LAS1L: variants seen among roughly 807,000 people sequenced by gnomAD.
LAS1L encodes the protein ribosomal biogenesis protein LAS1L.
A neutral mutation model predicts 57.3 loss-of-function variants in LAS1L; 5 were observed. The observed-to-expected ratio is 0.09, with a 90% CI of 0.05 to 0.18. The LOEUF is 0.18. Ranked by LOEUF, LAS1L falls within the 10% of genes least tolerant of loss-of-function variation. The pLI is 1.00. For missense variants in LAS1L, 360 were observed against 568.3 expected (o/e 0.63, Z 3.73); for synonymous variants, 245 against 231.7 (o/e 1.06, Z -0.52).
At position 65,529,896 on chromosome X, in the gene LAS1L, G is replaced by A. The variant is rs1269261351; in HGVS notation, c.515-18C>T. On this transcript the variant is annotated intron_variant, in intron 4 of 13. Transcript: ENST00000374811. ...GTAGCAGCCTAGAGGGGGGAAGGCAGGCAGTGCCACAGGATCAGGCAGGCA... is the reference window on the plus strand; with the variant it reads ...GTAGCAGCCTAGAGGGGGGAAGGCAAGCAGTGCCACAGGATCAGGCAGGCA... 8.3e-7 allele frequency: 1 copy of A among 1,205,138 alleles called. No homozygotes were observed.
chrX:65,518,505 C>T (rs756610098), intron 11 of LAS1L, 40 bp from the exon 12 acceptor site: 9 of 1,145,458 alleles, frequency 7.9e-6, no homozygotes, highest in African/African-American at 3.6e-5. Context: ...GATTCAAAAT[C>T]TCAAGCCACT....
intron 11 of LAS1L, chrX:65,521,445 G>A (rs1169795279): frequency 2.5e-5 from 4 of 160,563 alleles, no homozygotes; most frequent in Non-Finnish European, 1.0e-5. Flanking sequence ...AGACACTAAG[G>A]GAAGTAGACA....
At chrX:65,529,546 T>C in intron 5 of LAS1L, 48 bp downstream of exon 5, 1 of 1,161,469 alleles carries the variant, frequency 8.6e-7, no homozygotes, top group African/African-American at 1.8e-5. Context: ...ACCCTAAGCC[T>C]GAGCCTTCTG....
chrX:65,526,561 G>A (rs1479092587), intron 7 of LAS1L, among the ~76,000 whole-genome samples: 1 of 111,514 alleles, frequency 9.0e-6, no homozygotes, highest in East Asian at 2.8e-4. Context: ...AGCCTACACT[G>A]CAGTTCTCAC....
At chrX:65,528,977 A>C (rs1335900716) in intron 6 of LAS1L, among the ~76,000 whole-genome samples, 1 of 112,270 alleles carries the variant, frequency 8.9e-6, no homozygotes, top group African/African-American at 3.2e-5. Context: ...CCAGTGGGGC[A>C]GATTATCCGC....
intron 7 of LAS1L, 124 bp downstream of exon 7, chrX:65,528,136 T>G (rs1296297476): frequency 2.1e-6 from 1 of 471,563 alleles, no homozygotes; most frequent in South Asian, 3.2e-5. Flanking sequence ...GTGGAGGGGA[T>G]CAGGATTATC....
intron 11 of LAS1L, chrX:65,518,712 G>A (rs959133766): frequency 3.7e-6 from 2 of 540,172 alleles, no homozygotes; most frequent in Non-Finnish European, 2.3e-6. Flanking sequence ...GTATAGGATT[G>A]TTGGGAGGAG....
chrX:65,525,685 C>T (rs769611787), intron 7 of LAS1L, among the ~76,000 whole-genome samples: 13 of 98,411 alleles, frequency 1.3e-4, no homozygotes, highest in Non-Finnish European at 2.1e-4. Flanking sequence ...ATTATTGGAA[C>T]GCTAAGCTTG....
chrX:65,517,971 A>C lies in LAS1L; in HGVS notation c.1927+16T>G. 8.5e-7 allele frequency: 1 copy of C among 1,171,265 alleles called. No individual in the cohort carries two copies. Among genetic ancestry groups the C allele is most frequent in the Non-Finnish European group, 1.1e-6 (1 of 878,603 alleles). Reference sequence around the variant, plus strand: ...AAAGAGAAAAGAAGTCCATGTGGGGACAAAGTAGTTCTTACCTGAGCTAAC... The same window carrying C: ...AAAGAGAAAAGAAGTCCATGTGGGGCCAAAGTAGTTCTTACCTGAGCTAAC... On this transcript the variant is annotated intron_variant, in intron 12 of 13. Coordinates refer to ENST00000374811, the MANE Select transcript of LAS1L (RefSeq NM_031206.7).
chrX:65,524,725 T>C (rs2069032925), intron 8 of LAS1L, 111 bp from the exon 9 acceptor site: 2 of 486,473 alleles, frequency 4.1e-6, no homozygotes, highest in Non-Finnish European at 7.5e-6. Context: ...AATAATGTCA[T>C]TAAGACTCCC....
chrX:65,534,608 G>C lies in LAS1L; in HGVS notation c.108C>G (p.Leu36=). The change falls in exon 1 of 14, where the codon CTC becomes CTG. Residue 36 remains leucine (L), a synonymous_variant. Coordinates refer to ENST00000374811, the MANE Select transcript of LAS1L (RefSeq NM_031206.7). ...KCVKGKGSLP[L]SAHGIVVAWL... ...AGGCGACCACGATGCCGTGGGCCGA[G>C]AGTGGCAACGACCCTTTCCCTTTAA... 1 of 1,201,608 alleles carries C rather than the reference G, an allele frequency of 8.3e-7. No homozygotes were observed. Among genetic ancestry groups the C allele is most frequent in the Non-Finnish European group, 1.1e-6 (1 of 890,037 alleles).
At chrX:65,528,878 G>T (rs757369039) in intron 6 of LAS1L, among the ~76,000 whole-genome samples, 1 of 112,365 alleles carries the variant, frequency 8.9e-6, no homozygotes, top group African/African-American at 3.2e-5. Flanking sequence ...CAGCTCACCT[G>T]ATTTAGGGAA....
intron 5 of LAS1L, 114 bp downstream of exon 5, chrX:65,529,480 C>T (rs2069353576): frequency 1.1e-6 from 1 of 890,489 alleles, no homozygotes; most frequent in Non-Finnish European, 1.5e-6. Context: ...ATTTTTTAAG[C>T]TAAGATTCAC....
intron 7 of LAS1L, among the ~76,000 whole-genome samples, chrX:65,526,122 T>C (rs1443563711): frequency 8.9e-6 from 1 of 112,014 alleles, no homozygotes; most frequent in African/African-American, 3.3e-5. Flanking sequence ...CTTTGCCTTC[T>C]GCCATGAGGG....
intron 2 of LAS1L, among the ~76,000 whole-genome samples, chrX:65,532,985 A>G (rs925843331): frequency 8.9e-6 from 1 of 112,606 alleles, no homozygotes; most frequent in Non-Finnish European, 1.9e-5. Flanking sequence ...TGGAGAAAAT[A>G]AGAAGAGAAA....
At chrX:65,528,888 A>C (rs2069318600) in intron 6 of LAS1L, among the ~76,000 whole-genome samples, 1 of 112,131 alleles carries the variant, frequency 8.9e-6, no homozygotes. Context: ...GATTTAGGGA[A>C]GCTCTTGGGC....
chrX:65,516,516 C>G (rs2068634291), intron 12 of LAS1L, among the ~76,000 whole-genome samples: 1 of 110,404 alleles, frequency 9.1e-6, no homozygotes, highest in South Asian at 3.9e-4. Context: ...TATCACTTCT[C>G]TCTCACACAG....
At chrX:65,518,829 A>G (rs760057731) in intron 11 of LAS1L, 20 of 753,805 alleles carry the variant, frequency 2.7e-5, no homozygotes, top group Non-Finnish European at 3.0e-5. Flanking sequence ...TAAATGCACA[A>G]AACAGCCAAC....
chrX:65,531,523 A>G (rs1182766000), intron 3 of LAS1L, 85 bp from the exon 4 acceptor site: 14 of 615,002 alleles, frequency 2.3e-5, no homozygotes, highest in Non-Finnish European at 3.7e-5. Context: ...TATCCTGACC[A>G]CCTCCTGCCC....
Sources: gnomAD v4.1 joint callset for allele counts (sites outside exome capture counted in the v4.1 genomes callset) on GRCh38, gnomAD v4.1.1 for gene constraint, MANE v1.5 for transcripts, NCBI Gene and HGNC (gene_info 2026-07-23, HGNC 2026-07-21) for gene names.